Variants in CUL1 observed in about 807,000 individuals in gnomAD.
CUL1 encodes cullin-1.
CUL1 carries 24 observed loss-of-function variants against 118.0 expected under a neutral mutation model. That is an observed-to-expected ratio of 0.20 (90% CI 0.15 to 0.29). CUL1 has a LOEUF of 0.29. Ranked by LOEUF, CUL1 falls within the 10% of genes least tolerant of loss-of-function variation. The probability of loss-of-function intolerance (pLI) is 1.00; values close to 1 mark genes in which losing one functional copy is unlikely to be tolerated. For synonymous variants in CUL1, 332 were observed against 340.4 expected, an observed-to-expected ratio of 0.98 and a Z score of 0.27; for missense variants, 361 against 933.8, an observed-to-expected ratio of 0.39 and a Z score of 7.99.
chr7:148,741,361 C>T (rs1433239193), intron 2 of CUL1, among the ~76,000 whole-genome samples: 5 of 152,224 alleles, frequency 3.3e-5, no homozygotes, highest in Non-Finnish European at 7.3e-5. Context: ...TATTACTTTC[C>T]CACCAGCAGT....
chr7:148,747,535 A>G (rs530955997), intron 2 of CUL1, among the ~76,000 whole-genome samples: 99 of 152,304 alleles, frequency 6.5e-4, no homozygotes, highest in African/African-American at 2.2e-3. Flanking sequence ...CTGAGAGCTG[A>G]CGTTTCCATG....
In CUL1 at chr7:148,780,703, A is replaced by G. The variant is rs1215766844; in HGVS notation, c.1084-3080A>G. Among the ~76,000 whole-genome samples, 4 of 152,256 alleles carry G rather than the reference A, an allele frequency of 2.6e-5. No individual in the cohort carries two copies. The South Asian group carries it at 6.2e-4, about 24-fold the overall frequency. On this transcript the variant is annotated intron_variant, in intron 9 of 21. Transcript: ENST00000325222. ...ACAACTGAAATCATATAGGAGTTGA[A>G]TGAGCCCTTAGGGACAAGCCCTGGG...
chr7:148,699,915 T>A, intron 1 of CUL1, among the ~76,000 whole-genome samples: 1 of 151,788 alleles, frequency 6.6e-6, no homozygotes, highest in African/African-American at 2.4e-5. Flanking sequence ...TCGTCGCTTT[T>A]TTTTCCCTTA....
intron 16 of CUL1, 134 bp downstream of exon 16, chr7:148,790,575 A>G (rs1053608889): frequency 5.3e-6 from 4 of 755,460 alleles, no homozygotes; most frequent in Non-Finnish European, 8.4e-6. Context: ...GGTTTAAAGC[A>G]TGGAGTTGTA....
intron 8 of CUL1, among the ~76,000 whole-genome samples, chr7:148,767,404 A>G (rs1323932872): frequency 6.6e-6 from 1 of 151,934 alleles, no homozygotes; most frequent in East Asian, 1.9e-4. Flanking sequence ...TAGTAAATTT[A>G]TAGTAAATAG....
intron 9 of CUL1, among the ~76,000 whole-genome samples, chr7:148,770,517 T>G (rs1187796995): frequency 6.6e-6 from 1 of 152,256 alleles, no homozygotes; most frequent in African/African-American, 2.4e-5. Context: ...AAGCAAATAC[T>G]TTTCCAATTT....
intron 1 of CUL1, among the ~76,000 whole-genome samples, chr7:148,714,536 A>G (rs532627090): frequency 7.2e-5 from 11 of 152,322 alleles, no homozygotes; most frequent in Middle Eastern, 3.4e-3. Flanking sequence ...AAAATGAATG[A>G]ACAGAATTAG....
At position 148,749,207 on chromosome 7, in the gene CUL1, A is replaced by G. The variant is rs180712810; in HGVS notation, c.141-4769A>G. ...AGAGGTGGGCAGATCACCTGAGGTC[A>G]GGAGTTCGAGACCAGCCTGACCAAC... is the stretch of plus-strand genomic sequence containing the variant. On this transcript the variant is annotated intron_variant, in intron 2 of 21. Coordinates refer to ENST00000325222, the MANE Select transcript of CUL1 (RefSeq NM_003592.3). Among the ~76,000 whole-genome samples the G allele has an allele frequency of 2.1e-4, 32 of 152,174 alleles. No homozygotes were observed. The East Asian group carries it at 5.6e-3, about 27-fold the overall frequency.
intron 1 of CUL1, among the ~76,000 whole-genome samples, chr7:148,716,855 C>T (rs896947109): frequency 5.9e-5 from 9 of 152,166 alleles, no homozygotes; most frequent in Admixed American, 2.6e-4. Flanking sequence ...AAGTCTTTTG[C>T]AGTGACAAAA....
chr7:148,775,212 A>G (rs75326987), intron 9 of CUL1, among the ~76,000 whole-genome samples: 1 of 152,330 alleles, frequency 6.6e-6, no homozygotes, highest in Non-Finnish European at 1.5e-5. Flanking sequence ...GAAGTGCGTG[A>G]TTAAATAACT....
At chr7:148,750,986 A>T (rs1490667671) in intron 2 of CUL1, among the ~76,000 whole-genome samples, 2 of 30,006 alleles carry the variant, frequency 6.7e-5, no homozygotes, top group Non-Finnish European at 1.3e-4. Context: ...TGTCTCTTTA[A>T]AAAAAAAAAA....
At chr7:148,735,203 C>T (rs114637864) in intron 2 of CUL1, among the ~76,000 whole-genome samples, 2,363 of 152,300 alleles carry the variant, frequency 0.016, 57 homozygotes, top group African/African-American at 0.054. Context: ...TCTATTTTGA[C>T]GTTTAGTGAT....
intron 1 of CUL1, among the ~76,000 whole-genome samples, chr7:148,702,714 T>C (rs1412341947): frequency 6.6e-6 from 1 of 152,168 alleles, no homozygotes; most frequent in Non-Finnish European, 1.5e-5. Context: ...CATCACCATC[T>C]CTGGAAAGCT....
intron 2 of CUL1, among the ~76,000 whole-genome samples, chr7:148,739,804 A>G (rs942936028): frequency 6.6e-6 from 1 of 152,106 alleles, no homozygotes; most frequent in South Asian, 2.1e-4. Flanking sequence ...CTTTGCCTAG[A>G]TCTCAAATAT....
chr7:148,786,415 A>G (rs1367579506), intron 11 of CUL1, 136 bp from the exon 12 acceptor site: 29 of 653,364 alleles, frequency 4.4e-5, no homozygotes, highest in Non-Finnish European at 7.3e-5. Flanking sequence ...AGGTAAGGAA[A>G]GTCAACCTTC....
At chr7:148,736,714 A>C (rs1177219263) in intron 2 of CUL1, among the ~76,000 whole-genome samples, 1 of 152,246 alleles carries the variant, frequency 6.6e-6, no homozygotes, top group African/African-American at 2.4e-5. Context: ...AGCATATTTT[A>C]ATAATAGGAA....
At chr7:148,700,881 G>A (rs1417177629) in intron 1 of CUL1, among the ~76,000 whole-genome samples, 1 of 152,202 alleles carries the variant, frequency 6.6e-6, no homozygotes, top group East Asian at 1.9e-4. Flanking sequence ...CTTATAGCCA[G>A]CCCCACCCCC....
At chr7:148,747,962 A>G (rs538374194) in intron 2 of CUL1, among the ~76,000 whole-genome samples, 2 of 152,336 alleles carry the variant, frequency 1.3e-5, no homozygotes, top group East Asian at 1.9e-4. Context: ...GAAAATAGAA[A>G]GGGGACCGGA....
At chr7:148,721,100 A>C (rs1017151835) in intron 1 of CUL1, among the ~76,000 whole-genome samples, 3 of 152,244 alleles carry the variant, frequency 2.0e-5, no homozygotes, top group Non-Finnish European at 4.4e-5. Flanking sequence ...TGAACTTTCC[A>C]GTCTCAGTTC....
Sources: allele counts gnomAD v4.1 joint callset (sites outside exome capture counted in the v4.1 genomes callset), GRCh38; gene constraint gnomAD v4.1.1; transcripts MANE v1.5; gene names NCBI Gene and HGNC (gene_info 2026-07-23, HGNC 2026-07-21).